Variants in RBMS3 observed in about 807,000 individuals in gnomAD.
RBMS3 encodes the protein RNA binding motif single stranded interacting protein 3.
A neutral mutation model predicts 66.8 loss-of-function variants in RBMS3; 27 were observed. That is an observed-to-expected ratio of 0.40 (90% CI 0.30 to 0.56). The LOEUF (loss-of-function observed/expected upper bound fraction) is 0.56, where lower values mean the gene tolerates loss of function less well. RBMS3 is among the 20% of genes least tolerant of loss of function. The pLI is 0.40. For missense variants in RBMS3, 513 were observed against 549.5 expected (o/e 0.93, Z 0.66); for synonymous variants, 188 against 183.0 (o/e 1.03, Z -0.22).
intron 1 of RBMS3, among the ~76,000 whole-genome samples, chr3:29,404,499 G>A (rs1433000162): frequency 6.6e-6 from 1 of 152,118 alleles, no homozygotes; most frequent in South Asian, 2.1e-4. Flanking sequence ...TGAGTGAAGA[G>A]CATGTTTTAG....
intron 4 of RBMS3, among the ~76,000 whole-genome samples, chr3:29,663,784 G>C (rs1443501072): frequency 6.6e-6 from 1 of 152,090 alleles, no homozygotes; most frequent in East Asian, 1.9e-4. Flanking sequence ...CAGATACAGA[G>C]AATATCATGG....
intron 14 of RBMS3, among the ~76,000 whole-genome samples, chr3:30,002,181 C>G (rs1699642770): frequency 6.6e-6 from 1 of 151,970 alleles, no homozygotes; most frequent in South Asian, 2.1e-4. Flanking sequence ...CAGCCTAGCT[C>G]ATAAATATAT....
Position 29,546,060 on chromosome 3 carries a change from C to T in RBMS3, c.308-41054C>T, listed in dbSNP as rs370711861. On this transcript the variant is annotated intron_variant, in intron 3 of 14. Coordinates refer to ENST00000383767, the MANE Select transcript of RBMS3 (RefSeq NM_001003793.3). ...AAAAATCAGTAACTTTTTAAAAAGG[C>T]TTTATTTAGTGCTTTATATGTTGCT... Among the ~76,000 whole-genome samples the T allele has an allele frequency of 2.4e-3, 365 of 150,042 alleles. 4 individuals carry two copies. Among genetic ancestry groups the T allele is most frequent in the Middle Eastern group, 0.02 (6 of 294 alleles).
At chr3:29,494,874 T>A (rs1238596294) in intron 3 of RBMS3, among the ~76,000 whole-genome samples, 9 of 147,744 alleles carry the variant, frequency 6.1e-5, no homozygotes, top group Non-Finnish European at 1.4e-4. Context: ...CCGTAGAAAG[T>A]TTCCATGCCT....
At chr3:29,542,871 G>A (rs1294159227) in intron 3 of RBMS3, among the ~76,000 whole-genome samples, 1 of 152,164 alleles carries the variant, frequency 6.6e-6, no homozygotes. Context: ...AATCTCTTAA[G>A]TAACCTGTAA....
At position 29,412,926 on chromosome 3, in the gene RBMS3, G is replaced by A. The variant is rs118053105; in HGVS notation, c.76-21817G>A. On this transcript the variant is annotated intron_variant, in intron 1 of 14. Coordinates refer to ENST00000383767, the MANE Select transcript of RBMS3 (RefSeq NM_001003793.3). ...GGAGGAAGGCATTTTATATAGAACA[G>A]CAGCAGGAATCAGGAGGCAGTAGAC... is the stretch of plus-strand genomic sequence containing the variant. Among the ~76,000 whole-genome samples, 184 of 152,348 alleles carry A rather than the reference G, an allele frequency of 1.2e-3. 3 individuals are homozygous for A. In the East Asian group the frequency reaches 0.03, roughly 25 times the overall value.
chr3:29,898,736 C>CGCGTGTGTGTGT (rs2060184677), intron 9 of RBMS3, among the ~76,000 whole-genome samples: 1 of 142,532 alleles, frequency 7.0e-6, no homozygotes, highest in African/African-American at 2.6e-5. Flanking sequence ...TTGTAATGTG[C>CGCGTGTGTGTGT]GTGTGTGTGT....
At position 29,843,302 on chromosome 3, in the gene RBMS3, T is replaced by C. The variant is rs371064267; in HGVS notation, c.638-25556T>C. Reference sequence around the variant, plus strand: ...GACAAATTTTCCTTGAACTTGATCCTTATAGAACTTAACTCTGTTTACTGG... The same window carrying C: ...GACAAATTTTCCTTGAACTTGATCCCTATAGAACTTAACTCTGTTTACTGG... On this transcript the variant is annotated intron_variant, in intron 6 of 14. Coordinates refer to ENST00000383767, the MANE Select transcript of RBMS3 (RefSeq NM_001003793.3). 3.0e-4 allele frequency among the ~76,000 whole-genome samples: 46 copies of C among 152,358 alleles called. No homozygotes were observed. The East Asian group carries it at 6.9e-3, about 23-fold the overall frequency.
At chr3:29,697,020 C>T in intron 4 of RBMS3, 1 of 984,704 alleles carries the variant, frequency 1.0e-6, no homozygotes, top group Non-Finnish European at 1.2e-6. Flanking sequence ...CAAAGGAGGA[C>T]AACAGAGATT....
At chr3:29,531,309 T>C (rs1011956958) in intron 3 of RBMS3, among the ~76,000 whole-genome samples, 1 of 152,254 alleles carries the variant, frequency 6.6e-6, no homozygotes, top group South Asian at 2.1e-4. Context: ...ATGATTCTTA[T>C]GTACAATAAA....
At chr3:29,702,800 C>T (rs541316218) in intron 4 of RBMS3, among the ~76,000 whole-genome samples, 43 of 152,158 alleles carry the variant, frequency 2.8e-4, no homozygotes, top group Non-Finnish European at 4.7e-4. Flanking sequence ...GAAGAAACTC[C>T]GAACACGTCC....
intron 4 of RBMS3, among the ~76,000 whole-genome samples, chr3:29,689,419 C>T (rs1253305140): frequency 6.6e-6 from 1 of 151,872 alleles, no homozygotes; most frequent in Non-Finnish European, 1.5e-5. Context: ...TGGTTTTAAG[C>T]TTAATTTTGT....
At position 29,752,581 on chromosome 3, in the gene RBMS3, T is replaced by C. The variant is rs1356877547; in HGVS notation, c.558-10329T>C. Among the ~76,000 whole-genome samples the C allele has an allele frequency of 3.3e-5, 5 of 152,226 alleles. No homozygotes were observed. The East Asian group carries it at 7.7e-4, about 23-fold the overall frequency. On this transcript the variant is annotated intron_variant, in intron 5 of 14. Coordinates refer to ENST00000383767, the MANE Select transcript of RBMS3 (RefSeq NM_001003793.3). Reference sequence around the variant, plus strand: ...AAGACAATTAATTGGAGGTTCTTCATATATGTTGCTAGTAAAATGTCACAT... The same window carrying C: ...AAGACAATTAATTGGAGGTTCTTCACATATGTTGCTAGTAAAATGTCACAT...
At chr3:29,294,456 A>C (rs893988702) in intron 1 of RBMS3, among the ~76,000 whole-genome samples, 3 of 151,718 alleles carry the variant, frequency 2.0e-5, no homozygotes, top group South Asian at 2.1e-4. Flanking sequence ...GAAAAAAAAA[A>C]CATAGTACTG....
intron 1 of RBMS3, among the ~76,000 whole-genome samples, chr3:29,384,871 T>A (rs750122865): frequency 1.3e-5 from 2 of 152,212 alleles, no homozygotes; most frequent in Non-Finnish European, 2.9e-5. Context: ...CAGATTACCT[T>A]GTTCTGGTTA....
chr3:29,527,924 T>A lies in RBMS3; in HGVS notation c.307+39425T>A, dbSNP rs949332902. Among the ~76,000 whole-genome samples the A allele has an allele frequency of 1.9e-4, 29 of 149,604 alleles. 1 individual carries two copies. The highest frequency in any genetic ancestry group is 2.7e-4 in the Admixed American group (4 of 14,796). On this transcript the variant is annotated intron_variant, in intron 3 of 14. Coordinates refer to ENST00000383767, the MANE Select transcript of RBMS3 (RefSeq NM_001003793.3). Reference sequence around the variant, plus strand: ...TAGAACTTAAAGTATAATAAAAAAATAAATAAATAAAAATAAAAAATAAAA... The same window carrying A: ...TAGAACTTAAAGTATAATAAAAAAAAAAATAAATAAAAATAAAAAATAAAA...
chr3:29,299,675 G>T (rs1211517681), intron 1 of RBMS3, among the ~76,000 whole-genome samples: 1 of 151,774 alleles, frequency 6.6e-6, no homozygotes, highest in African/African-American at 2.4e-5. Flanking sequence ...ACTGTTTTAG[G>T]TATTATAAGT....
chr3:29,410,606 T>A (rs1237467324), intron 1 of RBMS3, among the ~76,000 whole-genome samples: 2 of 152,192 alleles, frequency 1.3e-5, no homozygotes, highest in African/African-American at 4.8e-5. Flanking sequence ...CCTCTAATAT[T>A]TGATGTCCTC....
intron 4 of RBMS3, among the ~76,000 whole-genome samples, chr3:29,656,124 G>T (rs1328059712): frequency 6.6e-6 from 1 of 151,992 alleles, no homozygotes; most frequent in Non-Finnish European, 1.5e-5. Flanking sequence ...GTAAGATAAG[G>T]TTAATTTATT....
Sources: allele counts gnomAD v4.1 joint callset (sites outside exome capture counted in the v4.1 genomes callset), GRCh38; gene constraint gnomAD v4.1.1; transcripts MANE v1.5; gene names NCBI Gene and HGNC (gene_info 2026-07-23, HGNC 2026-07-21).